Variants in CNTN3 observed in about 807,000 individuals in gnomAD.
CNTN3 encodes the protein contactin-3.
A neutral mutation model predicts 119.1 loss-of-function variants in CNTN3; 60 were observed. The ratio of observed to expected loss-of-function variants is 0.50; its 90% confidence interval spans 0.41 to 0.62. The LOEUF is 0.62. Among genes scored for constraint, CNTN3 ranks in the 20% least tolerant of loss-of-function variants. The pLI, the probability that CNTN3 is intolerant of heterozygous loss-of-function variation, is 0.00. For synonymous variants in CNTN3, 450 were observed against 438.7 expected, an observed-to-expected ratio of 1.03 and a Z score of -0.32; for missense variants, 1,101 against 1,242.4, an observed-to-expected ratio of 0.89 and a Z score of 1.71.
chr3:74,328,776 G>A (rs1044257115), intron 13 of CNTN3, among the ~76,000 whole-genome samples: 3 of 152,086 alleles, frequency 2.0e-5, no homozygotes, highest in African/African-American at 7.2e-5. Flanking sequence ...GGGAATTCTT[G>A]TTTCTTTACC....
At chr3:74,344,396 G>GTT (rs1274539668) in intron 11 of CNTN3, among the ~76,000 whole-genome samples, 1 of 87,810 alleles carries the variant, frequency 1.1e-5, no homozygotes, top group Non-Finnish European at 2.3e-5. Flanking sequence ...CTTACACAGT[G>GTT]GTTTTTTTTT....
At chr3:74,521,037 A>AT (rs1301603040) in intron 2 of CNTN3, 21 bp downstream of exon 2, 6 of 1,539,544 alleles carry the variant, frequency 3.9e-6, no homozygotes, top group Non-Finnish European at 4.4e-6. Flanking sequence ...TCAACTTAGA[A>AT]AATATAGGAT....
chr3:74,433,299 G>A (rs7635594), intron 4 of CNTN3, among the ~76,000 whole-genome samples: 4,666 of 152,118 alleles, frequency 0.031, 235 homozygotes, highest in African/African-American at 0.11. Context: ...CTGTCTACCC[G>A]CTCTGCAAAT....
At chr3:74,332,414 C>T (rs1358814132) in intron 13 of CNTN3, among the ~76,000 whole-genome samples, 1 of 152,180 alleles carries the variant, frequency 6.6e-6, no homozygotes, top group Non-Finnish European at 1.5e-5. Context: ...AGAGAAAGAA[C>T]AGAATTGGCA....
chr3:74,471,556 CA>C (rs760315750), intron 4 of CNTN3, among the ~76,000 whole-genome samples: 76 of 152,252 alleles, frequency 5.0e-4, no homozygotes, highest in Admixed American at 1.5e-3. Flanking sequence ...TCTTATACAT[CA>C]AAATATGCCA....
chr3:74,541,034 C>T (rs1703835715), intron 1 of CNTN3, among the ~76,000 whole-genome samples: 1 of 152,048 alleles, frequency 6.6e-6, no homozygotes, highest in Admixed American at 6.6e-5. Flanking sequence ...GAAAATCTCA[C>T]ACTCTAGGTA....
chr3:74,609,209 TAC>T (rs1438664721), intron 1 of CNTN3, among the ~76,000 whole-genome samples: 1 of 152,180 alleles, frequency 6.6e-6, no homozygotes, highest in Non-Finnish European at 1.5e-5. Flanking sequence ...AGAAGTCACA[TAC>T]AGACAGGCTG....
chr3:74,480,902 T>A lies in CNTN3; in HGVS notation c.358+5554A>T, dbSNP rs182374709. 1.8e-3 allele frequency among the ~76,000 whole-genome samples: 273 copies of A among 151,876 alleles called. 1 individual carries two copies. The highest frequency in any genetic ancestry group is 1.5e-3 in the South Asian group (7 of 4,804). On this transcript the variant is annotated intron_variant, in intron 4 of 22. Transcript: ENST00000263665. ...AGGGAAGTTACTATAAGAAAATAAG[T>A]AGGATGTATAACATCCAGTGCTTTT...
chr3:74,286,389 C>T (rs571543234), intron 19 of CNTN3, among the ~76,000 whole-genome samples: 1 of 151,800 alleles, frequency 6.6e-6, no homozygotes, highest in Non-Finnish European at 1.5e-5. Flanking sequence ...TATGCAATGA[C>T]AGAAGATTTA....
At chr3:74,386,216 CA>C (rs1223921875) in intron 5 of CNTN3, among the ~76,000 whole-genome samples, 1 of 152,144 alleles carries the variant, frequency 6.6e-6, no homozygotes, top group Non-Finnish European at 1.5e-5. Context: ...TCCAAGAATT[CA>C]AAAGGGTTGG....
At chr3:74,519,775 T>C (rs1703511418) in intron 2 of CNTN3, among the ~76,000 whole-genome samples, 1 of 151,728 alleles carries the variant, frequency 6.6e-6, no homozygotes, top group Non-Finnish European at 1.5e-5. Context: ...ACTATTCTTT[T>C]TGTCCTCAGT....
chr3:74,276,218 A>C (rs1033558884), intron 20 of CNTN3, among the ~76,000 whole-genome samples: 3 of 152,164 alleles, frequency 2.0e-5, no homozygotes, highest in Non-Finnish European at 2.9e-5. Context: ...CCATGACAGC[A>C]CTAGACAGTC....
intron 5 of CNTN3, among the ~76,000 whole-genome samples, chr3:74,378,949 CTCTT>C (rs1350571614): frequency 1.3e-5 from 2 of 152,156 alleles, no homozygotes; most frequent in African/African-American, 4.8e-5. Flanking sequence ...CTTTTTCTCT[CTCTT>C]GTTTTAGTCT....
intron 13 of CNTN3, among the ~76,000 whole-genome samples, chr3:74,319,659 G>C (rs1324850502): frequency 6.6e-6 from 1 of 151,648 alleles, no homozygotes; most frequent in Non-Finnish European, 1.5e-5. Flanking sequence ...AGCCAAAATT[G>C]ACAAATGGGA....
rs149246948 is a variant in CNTN3, at chr3:74,384,226, A to G, written c.455-12827T>C. ...CCCCTGACATTTTTTAGTTCCAACT[A>G]TATTTACCGGAAACAAACAATACAA... On this transcript the variant is annotated intron_variant, in intron 5 of 22. Transcript: ENST00000263665. Among the ~76,000 whole-genome samples, 836 of 152,356 alleles carry G rather than the reference A, an allele frequency of 5.5e-3. 3 individuals carry two copies. The highest frequency in any genetic ancestry group is 9.7e-3 in the Non-Finnish European group (660 of 68,026).
chr3:74,402,258 T>G (rs1344266587), intron 5 of CNTN3, among the ~76,000 whole-genome samples: 3 of 152,176 alleles, frequency 2.0e-5, no homozygotes, highest in Admixed American at 6.6e-5. Context: ...ATAGGAGCAC[T>G]GTTTAAGGGA....
At chr3:74,268,847 A>G (rs1701712690) in intron 20 of CNTN3, among the ~76,000 whole-genome samples, 1 of 152,114 alleles carries the variant, frequency 6.6e-6, no homozygotes, top group Admixed American at 6.6e-5. Context: ...GCTATACTAC[A>G]GCATGGTTTG....
intron 1 of CNTN3, among the ~76,000 whole-genome samples, chr3:74,524,802 C>G (rs1202621972): frequency 6.6e-6 from 1 of 151,806 alleles, no homozygotes; most frequent in Non-Finnish European, 1.5e-5. Flanking sequence ...TATGCATGCC[C>G]TACTGCTGGT....
chr3:74,534,995 A>T (rs1703745107), intron 1 of CNTN3, among the ~76,000 whole-genome samples: 1 of 152,036 alleles, frequency 6.6e-6, no homozygotes, highest in Admixed American at 6.6e-5. Context: ...TGTGATGGTT[A>T]CTGCTATGAT....
Sources: allele counts gnomAD v4.1 joint callset (sites outside exome capture counted in the v4.1 genomes callset), GRCh38; gene constraint gnomAD v4.1.1; transcripts MANE v1.5; gene names NCBI Gene and HGNC (gene_info 2026-07-23, HGNC 2026-07-21).